STK32A: variants seen among roughly 807,000 people sequenced by gnomAD.
The protein encoded by STK32A is serine/threonine-protein kinase 32A.
A neutral mutation model predicts 53.2 loss-of-function variants in STK32A; 41 were observed. The ratio of observed to expected loss-of-function variants is 0.77; its 90% confidence interval spans 0.60 to 1.00. The LOEUF (loss-of-function observed/expected upper bound fraction) is 1.00. STK32A is among the 50% of genes least tolerant of loss of function. STK32A has a pLI of 0.00. For missense variants in STK32A, 458 were observed against 485.8 expected (o/e 0.94, Z 0.54); for synonymous variants, 166 against 162.8 (o/e 1.02, Z -0.15).
At chr5:147,266,657 C>A (rs1455518256) in intron 2 of STK32A, among the ~76,000 whole-genome samples, 1 of 152,102 alleles carries the variant, frequency 6.6e-6, no homozygotes, top group Non-Finnish European at 1.5e-5. Context: ...TGTCTTCCTT[C>A]ATGGAGTCTA....
At chr5:147,291,404 G>A (rs182909528) in intron 4 of STK32A, among the ~76,000 whole-genome samples, 3 of 152,138 alleles carry the variant, frequency 2.0e-5, no homozygotes, top group Non-Finnish European at 2.9e-5. Flanking sequence ...CCACAAATGA[G>A]ACCTCACCCA....
chr5:147,268,679 A>T (rs922791161), intron 2 of STK32A, among the ~76,000 whole-genome samples: 5 of 152,106 alleles, frequency 3.3e-5, no homozygotes, highest in African/African-American at 9.7e-5. Context: ...GAAGCCTGTG[A>T]CAGAGGGGGA....
chr5:147,328,893 T>G (rs184593678), intron 5 of STK32A, among the ~76,000 whole-genome samples: 19 of 152,288 alleles, frequency 1.2e-4, no homozygotes, highest in Admixed American at 4.6e-4. Context: ...ATGAGATGGA[T>G]TGTATGGGAC....
chr5:147,355,983 CAAT>C (rs1280027507), intron 7 of STK32A, among the ~76,000 whole-genome samples: 2 of 151,894 alleles, frequency 1.3e-5, no homozygotes, highest in Non-Finnish European at 2.9e-5. Flanking sequence ...TATAATGTAA[CAAT>C]AATGATAGCA....
intron 11 of STK32A, among the ~76,000 whole-genome samples, chr5:147,377,746 T>C (rs891314492): frequency 1.3e-5 from 2 of 152,124 alleles, no homozygotes; most frequent in African/African-American, 2.4e-5. Flanking sequence ...TTTTAAGTTG[T>C]TTTTCTTTTC....
At chr5:147,397,023 ATGTT>A in the STK32A span, among the ~76,000 whole-genome samples, 2 of 112,684 alleles carry the variant, frequency 1.8e-5, no homozygotes, top group African/African-American at 7.6e-5. Context: ...AAATATATAA[ATGTT>A]TATTTATATA....
chr5:147,235,634 G>A (rs1753279907), intron 1 of STK32A, among the ~76,000 whole-genome samples: 1 of 152,222 alleles, frequency 6.6e-6, no homozygotes, highest in South Asian at 2.1e-4. Flanking sequence ...CAGCATGCCT[G>A]TACCTAGATT....
At chr5:147,262,049 T>A (rs1754596346) in intron 2 of STK32A, among the ~76,000 whole-genome samples, 1 of 152,178 alleles carries the variant, frequency 6.6e-6, no homozygotes, top group East Asian at 1.9e-4. Flanking sequence ...CAAGAGTAGG[T>A]CTTGAAATGT....
chr5:147,257,825 G>A (rs1326717869), intron 2 of STK32A, among the ~76,000 whole-genome samples: 1 of 152,134 alleles, frequency 6.6e-6, no homozygotes, highest in Admixed American at 6.5e-5. Context: ...TTGAGGGAAA[G>A]GAAAATGGAA....
At chr5:147,268,743 G>A (rs1423628901) in intron 2 of STK32A, among the ~76,000 whole-genome samples, 1 of 152,174 alleles carries the variant, frequency 6.6e-6, no homozygotes, top group Non-Finnish European at 1.5e-5. Context: ...AATGGCCTGA[G>A]TCACAGTTCC....
chr5:147,248,458 T>C (rs1352502656), intron 2 of STK32A, among the ~76,000 whole-genome samples: 1 of 152,212 alleles, frequency 6.6e-6, no homozygotes, highest in African/African-American at 2.4e-5. Flanking sequence ...TATTATTTAA[T>C]GGCCACACAA....
At chr5:147,355,416 G>GT (rs1382254380) in intron 7 of STK32A, among the ~76,000 whole-genome samples, 1 of 151,910 alleles carries the variant, frequency 6.6e-6, no homozygotes, top group African/African-American at 2.4e-5. Flanking sequence ...GGCTCACCCT[G>GT]TAATCCCAGC....
intron 2 of STK32A, among the ~76,000 whole-genome samples, chr5:147,260,035 TCTCTC>T (rs1754441795): frequency 7.7e-6 from 1 of 129,534 alleles, no homozygotes; most frequent in African/African-American, 4.2e-5. Context: ...TCTCTCTTTC[TCTCTC>T]CTGTCTCTCC....
At chr5:147,309,588 G>A (rs1381779152) in intron 4 of STK32A, among the ~76,000 whole-genome samples, 2 of 152,146 alleles carry the variant, frequency 1.3e-5, no homozygotes, top group African/African-American at 4.8e-5. Context: ...CTGTGACTAA[G>A]TTTGATGAAT....
rs146695977 is a variant in STK32A at position 147,307,603 on chromosome 5, C to T, written c.261-16295C>T. ...TGGCGCCAATGCACTCCAGGTTGGG[C>T]GACAGATCCAGACGCTGTCTCAAAA... On this transcript the variant is annotated intron_variant, in intron 4 of 12. Coordinates refer to ENST00000397936, the MANE Select transcript of STK32A (RefSeq NM_001112724.2). Among the ~76,000 whole-genome samples the T allele has an allele frequency of 6.8e-3, 866 of 127,960 alleles. 3 individuals carry two copies. Among genetic ancestry groups the T allele is most frequent in the Non-Finnish European group, 0.011 (681 of 64,230 alleles). 83.9% of individuals were successfully genotyped at this position (127,960 alleles called of 152,430 possible).
intron 6 of STK32A, among the ~76,000 whole-genome samples, chr5:147,349,982 A>C (rs1160276974): frequency 6.6e-6 from 1 of 151,910 alleles, no homozygotes; most frequent in Non-Finnish European, 1.5e-5. Context: ...ATGGTTGTGC[A>C]TGCCTGTAAT....
chr5:147,360,450 CA>C (rs56690647), intron 7 of STK32A, among the ~76,000 whole-genome samples: 18,433 of 80,594 alleles, frequency 0.23, 604 homozygotes, highest in East Asian at 0.3. Context: ...GATTCTGTCT[CA>C]AAAAAAAAAA....
chr5:147,257,061 T>C (rs754431094), intron 2 of STK32A, among the ~76,000 whole-genome samples: 7 of 152,116 alleles, frequency 4.6e-5, no homozygotes, highest in African/African-American at 1.7e-4. Flanking sequence ...TTTGAGATAA[T>C]AACCTGTAGA....
intron 1 of STK32A, among the ~76,000 whole-genome samples, chr5:147,238,811 A>G (rs1303281452): frequency 6.6e-6 from 1 of 151,652 alleles, no homozygotes; most frequent in Non-Finnish European, 1.5e-5. Flanking sequence ...AATACAACAG[A>G]GTTGATATAT....
Sources: gnomAD v4.1 joint callset for allele counts (sites outside exome capture counted in the v4.1 genomes callset) on GRCh38, gnomAD v4.1.1 for gene constraint, MANE v1.5 for transcripts, NCBI Gene and HGNC (gene_info 2026-07-23, HGNC 2026-07-21) for gene names.